SGCG: variants seen among roughly 807,000 people sequenced by gnomAD.
SGCG encodes gamma-sarcoglycan.
In SGCG, 26 loss-of-function variants were observed where a neutral mutation model predicts 29.3. The observed-to-expected ratio is 0.89, with a 90% confidence interval of 0.65 to 1.23. The LOEUF (loss-of-function observed/expected upper bound fraction) is 1.23. Among genes scored for constraint, SGCG ranks in the 50% most tolerant of loss-of-function variants. The pLI is 0.00. For synonymous variants in SGCG, 145 were observed against 129.7 expected (o/e 1.12, Z -0.80); for missense variants, 353 against 356.0 (o/e 0.99, Z 0.07).
intron 4 of SGCG, among the ~76,000 whole-genome samples, chr13:23,252,584 G>A (rs895012943): frequency 2.6e-5 from 4 of 152,086 alleles, no homozygotes; most frequent in Non-Finnish European, 5.9e-5. Context: ...TCAGCTACTT[G>A]GGCGGCTGAG....
chr13:23,197,203 G>A (rs571729839), intron 1 of SGCG, among the ~76,000 whole-genome samples: 1 of 152,228 alleles, frequency 6.6e-6, no homozygotes, highest in South Asian at 2.1e-4. Context: ...ATGCATTCGT[G>A]TGTTCAACAA....
At chr13:23,286,891 A>T (rs1365605750) in intron 5 of SGCG, among the ~76,000 whole-genome samples, 1 of 152,192 alleles carries the variant, frequency 6.6e-6, no homozygotes, top group Non-Finnish European at 1.5e-5. Flanking sequence ...TATTTCTGGA[A>T]TTTTCCATTT....
At chr13:23,297,894 A>G (rs1881970415) in intron 6 of SGCG, among the ~76,000 whole-genome samples, 1 of 151,898 alleles carries the variant, frequency 6.6e-6, no homozygotes, top group Non-Finnish European at 1.5e-5. Context: ...ACAGGTGCCC[A>G]CGACCACACC....
chr13:23,309,144 A>T (rs1882464516), intron 6 of SGCG, among the ~76,000 whole-genome samples: 1 of 151,964 alleles, frequency 6.6e-6, no homozygotes, highest in African/African-American at 2.4e-5. Context: ...TAAATTTTCA[A>T]AGTGATTATT....
chr13:23,160,948 G>T, the SGCG span, among the ~76,000 whole-genome samples: 6 of 152,188 alleles, frequency 3.9e-5, no homozygotes, highest in Non-Finnish European at 8.8e-5. Flanking sequence ...ATTCTGCAAT[G>T]AGACTTAATA....
chr13:23,300,852 A>G (rs887185241), intron 6 of SGCG, among the ~76,000 whole-genome samples: 1 of 149,888 alleles, frequency 6.7e-6, no homozygotes. Flanking sequence ...GCGGTGGCTC[A>G]CGCCTGTAAT....
At chr13:23,172,848 C>A in the SGCG span, among the ~76,000 whole-genome samples, 1 of 152,140 alleles carries the variant, frequency 6.6e-6, no homozygotes, top group Non-Finnish European at 1.5e-5. Flanking sequence ...AGGGGGACAC[C>A]AGTCCTGCAA....
At chr13:23,261,193 C>T (rs12856580) in intron 4 of SGCG, among the ~76,000 whole-genome samples, 12,820 of 151,990 alleles carry the variant, frequency 0.084, 699 homozygotes, top group South Asian at 0.14. Flanking sequence ...TAGATTTGAT[C>T]TTTTCACGTA....
intron 2 of SGCG, among the ~76,000 whole-genome samples, chr13:23,217,073 T>C (rs1222968517): frequency 1.3e-5 from 2 of 152,122 alleles, no homozygotes; most frequent in African/African-American, 2.4e-5. Context: ...TCCGGGTATA[T>C]AAATACTCTT....
chr13:23,292,402 G>T (rs780947110), intron 5 of SGCG, among the ~76,000 whole-genome samples: 1 of 152,190 alleles, frequency 6.6e-6, no homozygotes, highest in East Asian at 1.9e-4. Context: ...GAGCCACTGC[G>T]CCCACCGACG....
chr13:23,228,813 T>C (rs902253103), intron 2 of SGCG, among the ~76,000 whole-genome samples: 7 of 152,230 alleles, frequency 4.6e-5, no homozygotes, highest in African/African-American at 7.2e-5. Flanking sequence ...TTCCTTCTTA[T>C]GGCTGCATAG....
chr13:23,323,633 A>T (rs771882155), intron 7 of SGCG, among the ~76,000 whole-genome samples: 2 of 152,222 alleles, frequency 1.3e-5, no homozygotes, highest in Non-Finnish European at 2.9e-5. Context: ...TTTGCACTTC[A>T]GTTTAACTAA....
At chr13:23,215,875 A>C (rs984780317) in intron 2 of SGCG, among the ~76,000 whole-genome samples, 5 of 152,142 alleles carry the variant, frequency 3.3e-5, no homozygotes, top group African/African-American at 1.2e-4. Context: ...GATGTAGGCT[A>C]TACATAACGG....
At position 23,238,581 on chromosome 13, in the gene SGCG, A is replaced by T. The variant is rs911761605; in HGVS notation, c.297+3869A>T. On this transcript the variant is annotated intron_variant, in intron 3 of 7. Transcript: ENST00000218867. ...GTACAAGATCAACACTAGGAAAAAAATCCTGCTCTGGTCCATTCTAACAAA... is the reference window on the plus strand; with the variant it reads ...GTACAAGATCAACACTAGGAAAAAATTCCTGCTCTGGTCCATTCTAACAAA... 5.3e-5 allele frequency among the ~76,000 whole-genome samples: 8 copies of T among 152,220 alleles called. No individual in the cohort carries two copies. The East Asian group carries it at 1.5e-3, about 29-fold the overall frequency.
intron 2 of SGCG, among the ~76,000 whole-genome samples, chr13:23,224,902 CTCCA>C (rs1212670150): frequency 2.6e-5 from 4 of 152,008 alleles, no homozygotes; most frequent in African/African-American, 9.7e-5. Flanking sequence ...TCTTACAGCT[CTCCA>C]GGTGCTTCCA....
At chr13:23,222,164 T>C (rs1878696517) in intron 2 of SGCG, among the ~76,000 whole-genome samples, 1 of 152,192 alleles carries the variant, frequency 6.6e-6, no homozygotes, top group African/African-American at 2.4e-5. Flanking sequence ...CTATCTGTTG[T>C]CTTATATTTT....
the SGCG span, among the ~76,000 whole-genome samples, chr13:23,173,653 G>T: frequency 1.5e-4 from 23 of 151,984 alleles, no homozygotes; most frequent in Non-Finnish European, 2.9e-4. Context: ...AGAAATTTCT[G>T]GTCAAGGTAA....
At chr13:23,310,040 C>T (rs2137506671) in intron 6 of SGCG, among the ~76,000 whole-genome samples, 1 of 145,754 alleles carries the variant, frequency 6.9e-6, no homozygotes, top group East Asian at 2.1e-4. Context: ...ACATTGTTAA[C>T]ATCTTCTATA....
intron 3 of SGCG, chr13:23,244,191 C>G (rs1879612356): frequency 6.6e-6 from 1 of 152,146 alleles, no homozygotes; most frequent in Non-Finnish European, 1.5e-5. Context: ...ACCACCGTAT[C>G]AGGATTACAT....
Sources: allele counts gnomAD v4.1 joint callset (sites outside exome capture counted in the v4.1 genomes callset), GRCh38; gene constraint gnomAD v4.1.1; transcripts MANE v1.5; gene names NCBI Gene and HGNC (gene_info 2026-07-23, HGNC 2026-07-21).